GABRB2: variants seen among roughly 807,000 people sequenced by gnomAD.
GABRB2 encodes the protein gamma-aminobutyric acid receptor subunit beta-2.
In GABRB2, 16 loss-of-function variants were observed where a neutral mutation model predicts 54.7. The observed-to-expected ratio is 0.29, with a 90% CI of 0.20 to 0.44. The LOEUF (loss-of-function observed/expected upper bound fraction) is 0.44, where lower values mean the gene tolerates loss of function less well. Ranked by LOEUF, GABRB2 falls within the 20% of genes least tolerant of loss-of-function variation. The probability of loss-of-function intolerance (pLI) is 1.00; values close to 1 mark genes in which losing one functional copy is unlikely to be tolerated. For missense variants in GABRB2, 355 were observed against 644.0 expected, an observed-to-expected ratio of 0.55 and a Z score of 4.86; for synonymous variants, 244 against 233.8, an observed-to-expected ratio of 1.04 and a Z score of -0.40.
chr5:161,363,467 T>C (rs369759631), intron 5 of GABRB2, among the ~76,000 whole-genome samples: 1 of 152,130 alleles, frequency 6.6e-6, no homozygotes, highest in East Asian at 1.9e-4. Flanking sequence ...CCATGGCATG[T>C]GTATACCTAT....
intron 5 of GABRB2, among the ~76,000 whole-genome samples, chr5:161,392,105 C>G (rs1256277234): frequency 1.3e-5 from 2 of 152,144 alleles, no homozygotes; most frequent in Non-Finnish European, 2.9e-5. Context: ...TAATGTGAGG[C>G]CCTTCTCATC....
intron 4 of GABRB2, among the ~76,000 whole-genome samples, chr5:161,435,800 C>T (rs567222283): frequency 1.2e-3 from 190 of 152,116 alleles, no homozygotes; most frequent in Non-Finnish European, 2.4e-3. Context: ...ATATAGTAGA[C>T]GTGGAACAGT....
chr5:161,377,623 C>A (rs967760436), intron 5 of GABRB2, among the ~76,000 whole-genome samples: 4 of 152,030 alleles, frequency 2.6e-5, no homozygotes, highest in Admixed American at 1.3e-4. Context: ...TAGATTGCAA[C>A]TTCTTTGATG....
At chr5:161,348,023 C>T (rs181569836) in intron 5 of GABRB2, among the ~76,000 whole-genome samples, 2 of 152,162 alleles carry the variant, frequency 1.3e-5, no homozygotes, top group East Asian at 3.9e-4. Flanking sequence ...CTGTCCCCGC[C>T]CTGCTATACA....
intron 5 of GABRB2, among the ~76,000 whole-genome samples, chr5:161,351,101 T>C (rs1268112427): frequency 1.3e-5 from 2 of 152,066 alleles, no homozygotes; most frequent in Admixed American, 1.3e-4. Flanking sequence ...TGTTCATGAG[T>C]TGGAAGAATT....
Position 161,546,336 on chromosome 5 carries a change from C to T in GABRB2, c.155G>A (p.Arg52Lys). 6.2e-7 allele frequency: 1 copy of T among 1,614,154 alleles called. No homozygotes were observed. Among genetic ancestry groups the T allele is most frequent in the Non-Finnish European group, 8.5e-7 (1 of 1,179,976 alleles). ...RLLKGYDIRLRPDFGGPPVAV... is the reference protein window; with the variant it reads ...RLLKGYDIRLKPDFGGPPVAV... ...AACCCCATTACCTCCAAAATCTGGT[C>T]TCAGACGAATGTCATAGCCTTTCAG... Residue 52 changes from arginine (R) to lysine (K), a missense_variant, in exon 2 of 10, where the codon AGA (arginine) becomes AAA (lysine). By Grantham distance (26) the Arg-to-Lys change is conservative. This residue lies in a region of GABRB2 where 42 missense variants were observed against 99.7 expected (regional missense o/e 0.42). Coordinates refer to ENST00000393959, the MANE Select transcript of GABRB2 (RefSeq NM_001371727.1).
At chr5:161,453,831 G>A (rs957384344) in intron 4 of GABRB2, among the ~76,000 whole-genome samples, 5 of 152,030 alleles carry the variant, frequency 3.3e-5, no homozygotes, top group African/African-American at 1.2e-4. Flanking sequence ...GAAATCAGGA[G>A]TTGAAGACCA....
intron 5 of GABRB2, among the ~76,000 whole-genome samples, chr5:161,355,388 A>G (rs1475128395): frequency 6.7e-6 from 1 of 149,554 alleles, no homozygotes; most frequent in Non-Finnish European, 1.5e-5. Flanking sequence ...TGATGTCATA[A>G]CAACTGTCAC....
chr5:161,324,506 G>T (rs1010063619), intron 9 of GABRB2, among the ~76,000 whole-genome samples: 4 of 152,114 alleles, frequency 2.6e-5, no homozygotes, highest in Non-Finnish European at 5.9e-5. Flanking sequence ...GAAATTAGTA[G>T]TTTTAGTTTT....
intron 3 of GABRB2, among the ~76,000 whole-genome samples, chr5:161,537,717 T>C (rs767784088): frequency 1.3e-5 from 2 of 152,186 alleles, no homozygotes; most frequent in Non-Finnish European, 2.9e-5. Flanking sequence ...GGTGTGAATC[T>C]GTTCATGCAA....
intron 4 of GABRB2, among the ~76,000 whole-genome samples, chr5:161,424,084 A>T (rs1209041034): frequency 1.3e-5 from 2 of 152,148 alleles, no homozygotes; most frequent in Non-Finnish European, 2.9e-5. Context: ...GGCAAGTTGG[A>T]AGCTAGCAGA....
chr5:161,429,262 G>A (rs923097614), intron 4 of GABRB2, among the ~76,000 whole-genome samples: 6 of 148,032 alleles, frequency 4.1e-5, no homozygotes, highest in Non-Finnish European at 8.9e-5. Flanking sequence ...CAGGAGAATC[G>A]CTTGAACAAG....
intron 5 of GABRB2, among the ~76,000 whole-genome samples, chr5:161,382,117 T>C (rs535329824): frequency 2.4e-4 from 36 of 152,280 alleles, no homozygotes; most frequent in Admixed American, 2.0e-3. Flanking sequence ...TGTCCATACT[T>C]GGTCCAATAC....
intron 5 of GABRB2, among the ~76,000 whole-genome samples, chr5:161,406,219 C>T (rs1431923230): frequency 6.6e-6 from 1 of 152,016 alleles, no homozygotes; most frequent in Non-Finnish European, 1.5e-5. Context: ...TTTTAAAATA[C>T]CCATCTTTGG....
Position 161,496,549 on chromosome 5 carries a change from A to AG in GABRB2, c.238-36706dup, listed in dbSNP as rs201589109. On this transcript the variant is annotated intron_variant, in intron 3 of 9. Transcript: ENST00000393959. ...AGTAATTGTAGAAAAACTGGAAGTC[A>AG]GAAAAAAAAAAGAAAATAAGCCTAA... 5.5e-3 allele frequency among the ~76,000 whole-genome samples: 832 copies of AG among 152,126 alleles called. 7 individuals are homozygous for AG. Among genetic ancestry groups the AG allele is most frequent in the African/African-American group, 0.019 (777 of 41,540 alleles).
At chr5:161,295,799 C>T (rs924215248) in intron 9 of GABRB2, among the ~76,000 whole-genome samples, 4 of 152,174 alleles carry the variant, frequency 2.6e-5, no homozygotes, top group African/African-American at 9.7e-5. Context: ...ACTGATCAGA[C>T]ATTCTGCATG....
At chr5:161,457,879 T>C (rs1758006905) in intron 4 of GABRB2, among the ~76,000 whole-genome samples, 3 of 152,176 alleles carry the variant, frequency 2.0e-5, no homozygotes, top group South Asian at 4.1e-4. Context: ...GTATTGGGTA[T>C]ACAAAGGAGA....
rs1757200018 is a variant in GABRB2 at position 161,432,580 on chromosome 5, G to T, written c.459-21523C>A. Among the ~76,000 whole-genome samples, 8 of 152,116 alleles carry T rather than the reference G, an allele frequency of 5.3e-5. 1 individual carries two copies. The highest frequency in any genetic ancestry group is 5.2e-4 in the Admixed American group (8 of 15,258). On this transcript the variant is annotated intron_variant, in intron 4 of 9. Transcript: ENST00000393959. ...GAGTCTAATTTAGCAATATGTCAATGAATTATAAAAAGGTGCATGCTTTTT... is the reference window on the plus strand; with the variant it reads ...GAGTCTAATTTAGCAATATGTCAATTAATTATAAAAAGGTGCATGCTTTTT...
intron 5 of GABRB2, among the ~76,000 whole-genome samples, chr5:161,401,609 C>T (rs144266740): frequency 6.6e-6 from 1 of 152,306 alleles, no homozygotes; most frequent in African/African-American, 2.4e-5. Flanking sequence ...TAAATTATAT[C>T]TGCCTTTAAC....
Sources: allele counts gnomAD v4.1 joint callset (sites outside exome capture counted in the v4.1 genomes callset), GRCh38; gene constraint gnomAD v4.1.1; regional missense constraint gnomAD v4.1.1; transcripts MANE v1.5; gene names NCBI Gene and HGNC (gene_info 2026-07-23, HGNC 2026-07-21).